ATP8A2: variants seen among roughly 807,000 people sequenced by gnomAD.
ATP8A2 encodes phospholipid-transporting ATPase IB.
In ATP8A2, 100 loss-of-function variants were observed where a neutral mutation model predicts 165.6. That is an observed-to-expected ratio of 0.60 (90% CI 0.51 to 0.71). The LOEUF (loss-of-function observed/expected upper bound fraction) is 0.71, where lower values mean the gene tolerates loss of function less well. ATP8A2 is among the 30% of genes least tolerant of loss of function. ATP8A2 has a pLI of 0.00. For missense variants in ATP8A2, 1,227 were observed against 1,479.5 expected (o/e 0.83, Z 2.80); for synonymous variants, 543 against 548.8 (o/e 0.99, Z 0.15).
chr13:25,470,307 T>C (rs2035807507), intron 2 of ATP8A2, among the ~76,000 whole-genome samples: 1 of 152,204 alleles, frequency 6.6e-6, no homozygotes, highest in Non-Finnish European at 1.5e-5. Context: ...AAAAGTGTAA[T>C]TTAGAAGAAT....
intron 24 of ATP8A2, among the ~76,000 whole-genome samples, chr13:25,604,385 G>A (rs1032196596): frequency 2.0e-5 from 3 of 152,162 alleles, no homozygotes; most frequent in Non-Finnish European, 4.4e-5. Flanking sequence ...GTGAGTGCAA[G>A]GAATTGGGTG....
intron 25 of ATP8A2, among the ~76,000 whole-genome samples, chr13:25,729,440 T>C (rs1441625856): frequency 2.6e-5 from 4 of 152,240 alleles, no homozygotes; most frequent in Admixed American, 6.5e-5. Flanking sequence ...CCCTGATTCA[T>C]ACCTTTTAGG....
intron 28 of ATP8A2, 113 bp from the exon 29 acceptor site, chr13:25,837,050 G>A (rs1951631652): frequency 7.7e-7 from 1 of 1,304,210 alleles, no homozygotes; most frequent in African/African-American, 1.5e-5. Context: ...TGTGAATCAT[G>A]GAGTCTCAGG....
Position 25,591,685 on chromosome 13 carries a change from T to C in ATP8A2, c.2211+1986T>C, listed in dbSNP as rs147918035. On this transcript the variant is annotated intron_variant, in intron 24 of 36. Transcript: ENST00000381655. Reference sequence around the variant, plus strand: ...GCAACCTCCAATTCCTTGGTTCAAGTGATTCACCTGCCTCAGCCTCCTGAG... The same window carrying C: ...GCAACCTCCAATTCCTTGGTTCAAGCGATTCACCTGCCTCAGCCTCCTGAG... Among the ~76,000 whole-genome samples the C allele has an allele frequency of 7.0e-3, 1,063 of 151,406 alleles. 16 individuals are homozygous for C. The highest frequency in any genetic ancestry group is 0.025 in the African/African-American group (1,028 of 41,188).
chr13:25,972,095 T>C (rs534481622), intron 35 of ATP8A2, among the ~76,000 whole-genome samples: 36 of 152,346 alleles, frequency 2.4e-4, no homozygotes, highest in African/African-American at 8.7e-4. Context: ...AAAAAAAATC[T>C]GTATGCATTA....
In ATP8A2 at chr13:25,581,938, A is replaced by G. The variant is rs754353170; in HGVS notation, c.2127A>G (p.Gln709=). The G allele has an allele frequency of 3.7e-6, 6 of 1,611,214 alleles. No individual in the cohort carries two copies. The highest frequency in any genetic ancestry group is 5.1e-6 in the Non-Finnish European group (6 of 1,179,164). The change falls in exon 23 of 37, where the codon CAA becomes CAG. Residue 709 remains glutamine, a synonymous_variant. Transcript: ENST00000381655. ...IKIWVLTGDK[Q]ETAINIGYSC... The stretch of plus-strand genomic sequence containing the variant: ...TATGGGTGTTGACAGGAGACAAACA[A>G]GAAACTGCGATTAATATAGGTAATT...
At position 25,884,014 on chromosome 13, in the gene ATP8A2, T is replaced by C. The variant is rs78366634; in HGVS notation, c.3183+21606T>C. Among the ~76,000 whole-genome samples, 1,372 of 152,204 alleles carry C rather than the reference T, an allele frequency of 9.0e-3. 23 individuals are homozygous for C. Among genetic ancestry groups the C allele is most frequent in the African/African-American group, 0.032 (1,323 of 41,522 alleles). On this transcript the variant is annotated intron_variant, in intron 33 of 36. Transcript: ENST00000381655. Reference sequence around the variant, plus strand: ...TTTTGTGCACATGGCCTTTTCCCTTTAGGAGAAATGGAGTTCAGGGGGCCA... The same window carrying C: ...TTTTGTGCACATGGCCTTTTCCCTTCAGGAGAAATGGAGTTCAGGGGGCCA...
chr13:25,384,457 G>C (rs1240076994), intron 1 of ATP8A2, among the ~76,000 whole-genome samples: 3 of 152,102 alleles, frequency 2.0e-5, no homozygotes, highest in African/African-American at 7.2e-5. Flanking sequence ...GACTGCTCTT[G>C]CCACTTCTGT....
At chr13:25,663,199 G>A (rs1198501376) in intron 24 of ATP8A2, among the ~76,000 whole-genome samples, 1 of 152,228 alleles carries the variant, frequency 6.6e-6, no homozygotes, top group Non-Finnish European at 1.5e-5. Flanking sequence ...TAATTCCAAA[G>A]CCAATGCAGC....
intron 1 of ATP8A2, among the ~76,000 whole-genome samples, chr13:25,406,148 G>A (rs750131878): frequency 1.3e-5 from 2 of 152,334 alleles, no homozygotes; most frequent in African/African-American, 2.4e-5. Flanking sequence ...AGACGCTGAA[G>A]AAAGAGGTTG....
At chr13:25,559,117 T>C in intron 14 of ATP8A2, 56 bp downstream of exon 14, 2 of 1,241,746 alleles carry the variant, frequency 1.6e-6, no homozygotes, top group Non-Finnish European at 2.3e-6. Flanking sequence ...AGAAAATAAG[T>C]TTATTTTTAG....
chr13:25,398,066 G>A (rs967221856), intron 1 of ATP8A2, among the ~76,000 whole-genome samples: 7 of 152,130 alleles, frequency 4.6e-5, no homozygotes, highest in African/African-American at 1.7e-4. Context: ...CTTAAAAGGT[G>A]TCAGACTCTT....
At chr13:25,843,852 G>A (rs2138677534) in intron 30 of ATP8A2, among the ~76,000 whole-genome samples, 1 of 152,254 alleles carries the variant, frequency 6.6e-6, no homozygotes, top group South Asian at 2.1e-4. Context: ...GAGGAGGTAG[G>A]GGCTGGAAAA....
intron 1 of ATP8A2, among the ~76,000 whole-genome samples, chr13:25,389,898 T>C (rs182773950): frequency 1.8e-4 from 27 of 152,344 alleles, no homozygotes; most frequent in Non-Finnish European, 2.4e-4. Context: ...CTAAAGGAGT[T>C]GTGAGGATAA....
At chr13:25,836,761 A>G (rs913114853) in intron 28 of ATP8A2, among the ~76,000 whole-genome samples, 4 of 152,218 alleles carry the variant, frequency 2.6e-5, no homozygotes, top group South Asian at 2.1e-4. Context: ...GAAGTACATT[A>G]TGCTTCCTGA....
chr13:26,013,495 T>G (rs1481784284), intron 36 of ATP8A2, among the ~76,000 whole-genome samples: 1 of 152,108 alleles, frequency 6.6e-6, no homozygotes, highest in Non-Finnish European at 1.5e-5. Context: ...ACCGACATGG[T>G]GAAACCTCGT....
At chr13:25,464,446 TAAAA>T (rs34063090) in intron 1 of ATP8A2, among the ~76,000 whole-genome samples, 8 of 127,460 alleles carry the variant, frequency 6.3e-5, no homozygotes, top group Admixed American at 2.4e-4. Context: ...CATCTCTATC[TAAAA>T]AAAAAAAAAA....
intron 26 of ATP8A2, among the ~76,000 whole-genome samples, chr13:25,772,291 T>G (rs980623266): frequency 1.4e-4 from 22 of 152,180 alleles, no homozygotes; most frequent in African/African-American, 5.3e-4. Flanking sequence ...ATACATTTTT[T>G]TTTCCTGAAA....
intron 33 of ATP8A2, among the ~76,000 whole-genome samples, chr13:25,891,645 T>G (rs1003681474): frequency 2.0e-5 from 3 of 152,086 alleles, no homozygotes; most frequent in Non-Finnish European, 4.4e-5. Context: ...ATTTGATCCC[T>G]GCCTTCATCC....
Sources: allele counts gnomAD v4.1 joint callset (sites outside exome capture counted in the v4.1 genomes callset), GRCh38; gene constraint gnomAD v4.1.1; transcripts MANE v1.5; gene names NCBI Gene and HGNC (gene_info 2026-07-23, HGNC 2026-07-21).